The following DEAF1 variants were observed in gnomAD, a reference collection of about 807,000 sequenced individuals.
DEAF1 encodes the protein deformed epidermal autoregulatory factor 1 homolog.
In DEAF1, 53 loss-of-function variants were observed where a neutral mutation model predicts 58.9. The ratio of observed to expected loss-of-function variants is 0.90; its 90% CI spans 0.72 to 1.13. DEAF1 has a LOEUF of 1.13. Among genes scored for constraint, DEAF1 ranks in the 50% most tolerant of loss-of-function variants. The pLI, the probability that DEAF1 is intolerant of heterozygous loss-of-function variation, is 0.00. For synonymous variants in DEAF1, 385 were observed against 340.4 expected, an observed-to-expected ratio of 1.13 and a Z score of -1.44; for missense variants, 685 against 791.4, an observed-to-expected ratio of 0.87 and a Z score of 1.61.
At chr11:699,931 G>T (rs1313730608), upstream of DEAF1, 5 of 554,538 alleles carry the variant, frequency 9.0e-6, no homozygotes, top group Non-Finnish European at 1.6e-5. Context: ...ATGGAGGGGG[G>T]TCCCACAAAG....
intron 7 of DEAF1, among the ~76,000 whole-genome samples, chr11:680,758 G>C (rs1393588415): frequency 1.3e-5 from 2 of 152,250 alleles, no homozygotes; most frequent in Non-Finnish European, 2.9e-5. Context: ...CCGGGTCCCA[G>C]GGAAGCAAGA....
At position 654,142 on chromosome 11, in the gene DEAF1, C is replaced by G. The variant is rs1182022709; in HGVS notation, c.1504-91G>C. On this transcript the variant is annotated intron_variant, in intron 10 of 11. Transcript: ENST00000382409. ...CAGAGGCAGGTGCAGGCAGGAGGCC[C>G]CAAGTTCCCCCCATTGGACCCCCTT... 3 of 944,732 alleles carry G rather than the reference C, an allele frequency of 3.2e-6. No homozygotes were observed. In the African/African-American group the frequency reaches 5.0e-5, roughly 16 times the overall value. 58.5% of individuals were successfully genotyped at this position (944,732 alleles called of 1,614,324 possible).
chr11:701,615 T>C (rs577645421), intron 1 of DEAF1, among the ~76,000 whole-genome samples: 309 of 152,020 alleles, frequency 2.0e-3, no homozygotes, highest in Middle Eastern at 0.014. Context: ...TTCACCATGT[T>C]AGCCAGGATG....
rs1860707235 is a variant in DEAF1 at position 688,907 on chromosome 11, C to G, written c.388-447G>C. On this transcript the variant is annotated intron_variant, in intron 2 of 11. Coordinates refer to ENST00000382409, the MANE Select transcript of DEAF1 (RefSeq NM_021008.4). The surrounding 1 kb of genome is among the most constrained non-coding windows in gnomAD (Gnocchi z 4.3). ...CCTCAAAACCACATTTCCACACTGG[C>G]TGAAGCTGCTGCAACTGCTGCCTGC... is the stretch of plus-strand genomic sequence containing the variant. Among the ~76,000 whole-genome samples, 1 of 152,208 alleles carries G rather than the reference C, an allele frequency of 6.6e-6. No homozygotes were observed. Among genetic ancestry groups the G allele is most frequent in the African/African-American group, 2.4e-5 (1 of 41,450 alleles).
At chr11:673,010 A>G (rs1859896887) in intron 10 of DEAF1, among the ~76,000 whole-genome samples, 1 of 151,734 alleles carries the variant, frequency 6.6e-6, no homozygotes, top group African/African-American at 2.4e-5. Flanking sequence ...TTAGCCAGGC[A>G]TGGCAGCAGG....
intron 1 of DEAF1, among the ~76,000 whole-genome samples, chr11:702,143 C>A (rs1861525749): frequency 6.6e-6 from 1 of 152,170 alleles, no homozygotes; most frequent in African/African-American, 2.4e-5. Context: ...TGGCCCCCAC[C>A]CTTCCTCTTG....
At chr11:687,827 T>C in intron 4 of DEAF1, 84 bp downstream of exon 4, 1 of 1,584,030 alleles carries the variant, frequency 6.3e-7, no homozygotes, top group Non-Finnish European at 8.7e-7. Context: ...GGTGCCATGA[T>C]TTTCATCTTT....
intron 10 of DEAF1, among the ~76,000 whole-genome samples, chr11:672,847 CA>C (rs111718694): frequency 1.2e-4 from 18 of 147,936 alleles, no homozygotes; most frequent in African/African-American, 2.2e-4. Context: ...GACTCCGTCT[CA>C]AAAAAAAAAA....
intron 11 of DEAF1, among the ~76,000 whole-genome samples, chr11:653,282 T>TGGGAAG (rs1858874483): frequency 7.0e-6 from 1 of 143,040 alleles, no homozygotes; most frequent in African/African-American, 2.7e-5. Flanking sequence ...TGTGGAGGGC[T>TGGGAAG]CAATAATAGA....
In DEAF1 at chr11:691,613, G is replaced by C. The variant is rs779468991; in HGVS notation, c.290-15C>G. 6 of 1,611,586 alleles carry C rather than the reference G, an allele frequency of 3.7e-6. No homozygotes were observed. The highest frequency in any genetic ancestry group is 5.1e-6 in the Non-Finnish European group (6 of 1,178,896). On this transcript the variant is annotated splice_polypyrimidine_tract_variant and intron_variant, in intron 1 of 11. Transcript: ENST00000382409. ...TGTGGTCACCTCTGCAACAGAAGGA[G>C]CCTCATTTAACAAGCAACAAAAGCC...
chr11:666,701 G>T (rs1433781071), intron 10 of DEAF1, among the ~76,000 whole-genome samples: 1 of 151,392 alleles, frequency 6.6e-6, no homozygotes, highest in Non-Finnish European at 1.5e-5. Flanking sequence ...GCAAGACTCC[G>T]TCTCAAAACA....
Position 695,071 on chromosome 11 carries a change from A to G in DEAF1, c.-24T>C. The G allele has an allele frequency of 7.0e-7, 1 of 1,428,516 alleles. No individual in the cohort carries two copies. The allele number at this position is 1,428,516 out of a possible 1,614,324, so 88.5% of individuals were successfully genotyped here. A position where few individuals can be genotyped will look rare whatever the true frequency, so the allele number is the denominator to read the frequency against. On this transcript the variant is annotated 5_prime_UTR_variant, in exon 1 of 12. Transcript: ENST00000382409. ...ATCCGGACTCCGCCGAGCCTTCCCG[A>G]AGGCGCCGTCCGGGACCGCCCGAAG...
At chr11:649,060 G>A (rs997108440) in intron 11 of DEAF1, among the ~76,000 whole-genome samples, 1 of 152,194 alleles carries the variant, frequency 6.6e-6, no homozygotes, top group African/African-American at 2.4e-5. Flanking sequence ...AGACCAGCCT[G>A]GCCAACATGG....
intron 1 of DEAF1, among the ~76,000 whole-genome samples, chr11:692,670 T>C (rs963120760): frequency 2.6e-5 from 4 of 151,830 alleles, no homozygotes; most frequent in South Asian, 2.1e-4. Flanking sequence ...CTGACCAACA[T>C]AGAGAAACCC....
At chr11:671,729 A>T (rs1357308784) in intron 10 of DEAF1, among the ~76,000 whole-genome samples, 5 of 151,194 alleles carry the variant, frequency 3.3e-5, no homozygotes, top group African/African-American at 1.2e-4. Flanking sequence ...AAATAAAAAA[A>T]TAAATTAGGC....
Position 686,856 on chromosome 11 carries a change from A to C in DEAF1, c.804+2T>G. 1 of 1,614,108 alleles carries C rather than the reference A, an allele frequency of 6.2e-7. No homozygotes were observed. Among genetic ancestry groups the C allele is most frequent in the Non-Finnish European group, 8.5e-7 (1 of 1,180,038 alleles). Reference sequence around the variant, plus strand: ...GAGCACAGGTGAGGTCACGGACGATACCTGGATGAGGCACTGCAAGGGTCG... The same window carrying C: ...GAGCACAGGTGAGGTCACGGACGATCCCTGGATGAGGCACTGCAAGGGTCG... On this transcript the variant is annotated splice_donor_variant, in intron 5 of 11. Coordinates refer to ENST00000382409, the MANE Select transcript of DEAF1 (RefSeq NM_021008.4). LOFTEE classifies it high-confidence loss of function.
intron 10 of DEAF1, among the ~76,000 whole-genome samples, chr11:669,127 T>TC (rs1231988441): frequency 1.0e-4 from 1 of 9,866 alleles, no homozygotes; most frequent in East Asian, 4.5e-3. Context: ...ACCCGACCCT[T>TC]TTTTTTTTTT....
At chr11:701,204 A>C (rs532851372) in intron 1 of DEAF1, 1 of 180,374 alleles carries the variant, frequency 5.5e-6, no homozygotes, top group East Asian at 1.4e-4. Flanking sequence ...TTTTGAGACG[A>C]GGTCTCACTC....
At chr11:687,608 G>C (rs928470036) in intron 4 of DEAF1, among the ~76,000 whole-genome samples, 3 of 152,200 alleles carry the variant, frequency 2.0e-5, no homozygotes, top group African/African-American at 7.2e-5. Context: ...TCCTGCCTCA[G>C]CCTCCCGAGT....
Sources: gnomAD v4.1 joint callset for allele counts (sites outside exome capture counted in the v4.1 genomes callset) on GRCh38, gnomAD v4.1.1 for gene constraint, Gnocchi (gnomAD v3.1) non-coding constraint, MANE v1.5 for transcripts, NCBI Gene and HGNC (gene_info 2026-07-23, HGNC 2026-07-21) for gene names.